Variants in GRM7 observed in about 807,000 individuals in gnomAD.
GRM7 encodes glutamate metabotropic receptor 7.
In GRM7, 35 loss-of-function variants were observed where a neutral mutation model predicts 84.5. That is an observed-to-expected ratio of 0.41 (90% CI 0.32 to 0.55). The LOEUF is 0.55. Ranked by LOEUF, GRM7 falls within the 20% of genes least tolerant of loss-of-function variation. The pLI is 0.19. For synonymous variants in GRM7, 487 were observed against 455.1 expected, an observed-to-expected ratio of 1.07 and a Z score of -0.89; for missense variants, 1,003 against 1,194.6, an observed-to-expected ratio of 0.84 and a Z score of 2.36.
Position 7,693,552 on chromosome 3 carries a change from T to G in GRM7, c.2698+13257T>G, listed in dbSNP as rs970900653. On this transcript the variant is annotated intron_variant, in intron 9 of 9. Transcript: ENST00000357716. The stretch of plus-strand genomic sequence containing the variant: ...ATTCCTCTTTCCCTCATTTTTGTCA[T>G]GTTTGCAAATTTCATTTGCATTTAA... 8.2e-6 allele frequency: 7 copies of G among 851,416 alleles called. No individual in the cohort carries two copies. In the African/African-American group the frequency reaches 1.0e-4, roughly 12 times the overall value. 52.7% of individuals were successfully genotyped at this position (851,416 alleles called of 1,614,324 possible). A position where few individuals can be genotyped will look rare whatever the true frequency, so the allele number is the denominator to read the frequency against.
chr3:7,262,068 TTACC>T (rs1293514464), intron 2 of GRM7, among the ~76,000 whole-genome samples: 1 of 151,904 alleles, frequency 6.6e-6, no homozygotes, highest in Non-Finnish European at 1.5e-5. Flanking sequence ...CCTTTGTAGA[TTACC>T]TGACCTTTCT....
At chr3:7,121,941 A>G (rs1480535173) in intron 1 of GRM7, among the ~76,000 whole-genome samples, 3 of 152,114 alleles carry the variant, frequency 2.0e-5, no homozygotes, top group African/African-American at 7.2e-5. Context: ...ATGAGACCAT[A>G]TTACAAAAGA....
intron 8 of GRM7, among the ~76,000 whole-genome samples, chr3:7,656,067 C>T (rs567471755): frequency 5.2e-4 from 79 of 152,180 alleles, no homozygotes; most frequent in Non-Finnish European, 9.8e-4. Context: ...CTGTGCTTGG[C>T]ATATAATAGC....
chr3:7,300,739 TG>T (rs1320772720), intron 3 of GRM7, among the ~76,000 whole-genome samples: 1 of 151,884 alleles, frequency 6.6e-6, no homozygotes, highest in Non-Finnish European at 1.5e-5. Context: ...AAGATTTCTC[TG>T]ATCAATGTCA....
chr3:7,127,160 A>G (rs1400916836), intron 1 of GRM7, among the ~76,000 whole-genome samples: 1 of 152,240 alleles, frequency 6.6e-6, no homozygotes, highest in Non-Finnish European at 1.5e-5. Flanking sequence ...GTGGAAGGAT[A>G]TATGTGGAGA....
intron 8 of GRM7, among the ~76,000 whole-genome samples, chr3:7,632,730 C>A (rs1206158940): frequency 3.3e-5 from 5 of 152,156 alleles, no homozygotes; most frequent in Admixed American, 1.3e-4. Context: ...AAACTTCTTA[C>A]ATGTAAATAT....
chr3:7,146,414 A>T (rs747767249), intron 1 of GRM7, 38 bp from the exon 2 acceptor site: 1 of 1,417,848 alleles, frequency 7.1e-7, no homozygotes, highest in Admixed American at 1.7e-5. Flanking sequence ...TTACATCCTG[A>T]CGGTGCACTC....
intron 1 of GRM7, among the ~76,000 whole-genome samples, chr3:6,963,426 A>G (rs1559355006): frequency 6.6e-6 from 1 of 152,196 alleles, no homozygotes; most frequent in Non-Finnish European, 1.5e-5. Flanking sequence ...TAAAAAATAT[A>G]TCTCTGCTCA....
chr3:7,480,197 A>G (rs1699075485), intron 7 of GRM7, among the ~76,000 whole-genome samples: 1 of 152,210 alleles, frequency 6.6e-6, no homozygotes, highest in African/African-American at 2.4e-5. Flanking sequence ...GGTGGCAAAG[A>G]TAAGAACTAA....
At chr3:6,890,873 C>A (rs60955458) in intron 1 of GRM7, among the ~76,000 whole-genome samples, 3 of 151,956 alleles carry the variant, frequency 2.0e-5, no homozygotes, top group African/African-American at 7.3e-5. Flanking sequence ...GTCTAAGTGT[C>A]TTTGTAGGTC....
chr3:6,998,390 A>T (rs1272498539), intron 1 of GRM7, among the ~76,000 whole-genome samples: 1 of 152,108 alleles, frequency 6.6e-6, no homozygotes, highest in Non-Finnish European at 1.5e-5. Context: ...GTCCCCCCCA[A>T]AGTTGCTTTC....
chr3:7,456,298 T>C (rs370125575), intron 6 of GRM7, among the ~76,000 whole-genome samples: 96 of 152,284 alleles, frequency 6.3e-4, no homozygotes, highest in Middle Eastern at 3.4e-3. Flanking sequence ...GTCTAGATGG[T>C]CTTGTCTGTT....
chr3:7,085,936 TAATAA>T (rs149709744), intron 1 of GRM7, among the ~76,000 whole-genome samples: 8,020 of 152,228 alleles, frequency 0.053, 195 homozygotes, highest in Middle Eastern at 0.12. Context: ...GATGTATAGT[TAATAA>T]AATAAAATGT....
At chr3:7,332,269 G>A (rs1383859766) in intron 4 of GRM7, among the ~76,000 whole-genome samples, 1 of 152,154 alleles carries the variant, frequency 6.6e-6, no homozygotes, top group Admixed American at 6.5e-5. Flanking sequence ...ACAACTTTGT[G>A]TGGGGAGAGG....
chr3:7,169,903 A>G (rs140093929), intron 2 of GRM7, among the ~76,000 whole-genome samples: 660 of 152,330 alleles, frequency 4.3e-3, no homozygotes, highest in South Asian at 0.011. Context: ...ACCTGTTAAA[A>G]TATTAAAAAT....
rs367794242 is a variant in GRM7 at position 7,251,977 on chromosome 3, A to G, written c.737-46707A>G. Among the ~76,000 whole-genome samples, 88 of 152,300 alleles carry G rather than the reference A, an allele frequency of 5.8e-4. 5 individuals carry two copies. The South Asian group carries it at 0.014, about 24-fold the overall frequency. ...AAACAAAGCCTTTTTTCCAATTATTAGGAGTAATATTTAAAGTGGGGATTG... is the reference window on the plus strand; with the variant it reads ...AAACAAAGCCTTTTTTCCAATTATTGGGAGTAATATTTAAAGTGGGGATTG... On this transcript the variant is annotated intron_variant, in intron 2 of 9. Coordinates refer to ENST00000357716, the MANE Select transcript of GRM7 (RefSeq NM_000844.4).
At chr3:7,220,264 C>G (rs914269030) in intron 2 of GRM7, among the ~76,000 whole-genome samples, 1 of 152,154 alleles carries the variant, frequency 6.6e-6, no homozygotes, top group Non-Finnish European at 1.5e-5. Context: ...AGTGGAGAAA[C>G]CTGACAAACA....
chr3:7,398,627 A>G (rs1429503180), intron 4 of GRM7, among the ~76,000 whole-genome samples: 3 of 152,120 alleles, frequency 2.0e-5, no homozygotes, highest in East Asian at 1.9e-4. Flanking sequence ...TTTTGTGTGT[A>G]TATATATGTA....
chr3:7,563,531 G>A (rs1286875376), intron 7 of GRM7, among the ~76,000 whole-genome samples: 1 of 152,116 alleles, frequency 6.6e-6, no homozygotes, highest in African/African-American at 2.4e-5. Flanking sequence ...TCAGCTTGAA[G>A]GCATCAGGAA....
Sources: allele counts gnomAD v4.1 joint callset (sites outside exome capture counted in the v4.1 genomes callset), GRCh38; gene constraint gnomAD v4.1.1; transcripts MANE v1.5; gene names NCBI Gene and HGNC (gene_info 2026-07-23, HGNC 2026-07-21).